TENM4: variants seen among roughly 807,000 people sequenced by gnomAD.
TENM4 encodes the protein teneurin transmembrane protein 4.
TENM4 carries 82 observed loss-of-function variants against 243.3 expected under a neutral mutation model. The ratio of observed to expected loss-of-function variants is 0.34; its 90% CI spans 0.28 to 0.40. The LOEUF (loss-of-function observed/expected upper bound fraction) is 0.40. Among genes scored for constraint, TENM4 ranks in the 10% least tolerant of loss-of-function variants. The pLI is 1.00. For synonymous variants in TENM4, 1,412 were observed against 1,456.3 expected (o/e 0.97, Z 0.69); for missense variants, 3,138 against 3,673.3 (o/e 0.85, Z 3.77).
At chr11:79,336,970 A>T (rs1016981507) in intron 1 of TENM4, among the ~76,000 whole-genome samples, 1 of 152,194 alleles carries the variant, frequency 6.6e-6, no homozygotes, top group Admixed American at 6.5e-5. Flanking sequence ...CACTTTGAGA[A>T]ATCCACATTC....
chr11:78,906,378 A>T (rs146544593), intron 6 of TENM4, among the ~76,000 whole-genome samples: 1 of 152,326 alleles, frequency 6.6e-6, no homozygotes, highest in Non-Finnish European at 1.5e-5. Context: ...CCATGGCTAA[A>T]TGCAGGAAAA....
Position 78,658,277 on chromosome 11 carries a change from T to C in TENM4, c.8091A>G (p.Arg2697=), listed in dbSNP as rs750012041. 1 of 1,613,038 alleles carries C rather than the reference T, an allele frequency of 6.2e-7. No individual in the cohort carries two copies. Among genetic ancestry groups the C allele is most frequent in the East Asian group, 2.2e-5 (1 of 44,850 alleles). ...KARVLELARQ[R]AVRQAWAREQ... is the part of the protein sequence containing the mutation. ...CGCGGGCCCACGCTTGGCGCACGGCTCTCTGCCGGGCCAGCTCCAGGACCC... is the reference window on the plus strand; with the variant it reads ...CGCGGGCCCACGCTTGGCGCACGGCCCTCTGCCGGGCCAGCTCCAGGACCC... The change falls in exon 34 of 34, where the codon AGA becomes AGG. Residue 2697 remains arginine (R), a synonymous_variant. Coordinates refer to ENST00000278550, the MANE Select transcript of TENM4 (RefSeq NM_001098816.3).
chr11:79,036,729 C>T (rs777328602), intron 6 of TENM4, among the ~76,000 whole-genome samples: 13 of 152,042 alleles, frequency 8.6e-5, no homozygotes, highest in Admixed American at 5.2e-4. Context: ...AATATACACT[C>T]GGCCAGGCGC....
At chr11:78,987,348 C>T (rs764652769) in intron 6 of TENM4, among the ~76,000 whole-genome samples, 22 of 152,300 alleles carry the variant, frequency 1.4e-4, no homozygotes, top group Non-Finnish European at 2.9e-4. Flanking sequence ...ATGGATGCAT[C>T]TCACAGATTC....
chr11:78,935,531 G>T (rs889129376), intron 6 of TENM4, among the ~76,000 whole-genome samples: 1 of 152,194 alleles, frequency 6.6e-6, no homozygotes, highest in African/African-American at 2.4e-5. Context: ...TCGGCCAAAT[G>T]AATCTGTTTA....
intron 4 of TENM4, among the ~76,000 whole-genome samples, chr11:79,138,921 C>T (rs186509183): frequency 0.66 from 53,312 of 80,824 alleles, 18,626 homozygotes; most frequent in Non-Finnish European, 0.72. Context: ...ATATATATTA[C>T]ATTTCCATAA....
intron 4 of TENM4, among the ~76,000 whole-genome samples, chr11:79,138,251 T>C (rs1862151533): frequency 6.9e-6 from 1 of 145,238 alleles, no homozygotes. Flanking sequence ...CTCTTCAGCC[T>C]GCAGATGGCC....
intron 1 of TENM4, among the ~76,000 whole-genome samples, chr11:79,324,227 G>A (rs905405778): frequency 6.6e-6 from 1 of 150,772 alleles, no homozygotes; most frequent in African/African-American, 2.4e-5. Flanking sequence ...AAAATTTATT[G>A]TTATTGTTTT....
intron 6 of TENM4, among the ~76,000 whole-genome samples, chr11:78,973,622 A>C (rs1857590207): frequency 6.6e-6 from 1 of 152,276 alleles, no homozygotes; most frequent in Admixed American, 6.5e-5. Flanking sequence ...ACTGACAAAG[A>C]AGACAAAGCC....
chr11:79,322,614 C>T (rs1205076557), intron 1 of TENM4, among the ~76,000 whole-genome samples: 1 of 151,818 alleles, frequency 6.6e-6, no homozygotes, highest in Non-Finnish European at 1.5e-5. Context: ...AGCAATTTGG[C>T]ATAAACATAA....
intron 7 of TENM4, among the ~76,000 whole-genome samples, chr11:78,895,445 A>G (rs904296445): frequency 2.0e-5 from 3 of 152,188 alleles, no homozygotes; most frequent in Non-Finnish European, 4.4e-5. Flanking sequence ...TGAGGCCCAG[A>G]GAGACATGTG....
chr11:78,778,997 G>A (rs1490402076), intron 16 of TENM4, among the ~76,000 whole-genome samples: 2 of 152,236 alleles, frequency 1.3e-5, no homozygotes, highest in Non-Finnish European at 2.9e-5. Flanking sequence ...ACTAGAGCCC[G>A]TCCCTTTGAC....
intron 1 of TENM4, among the ~76,000 whole-genome samples, chr11:79,316,237 C>CTGAT (rs1485231287): frequency 1.3e-5 from 2 of 150,834 alleles, no homozygotes; most frequent in Non-Finnish European, 3.0e-5. Flanking sequence ...AGATTGAGAA[C>CTGAT]TGATATAAAA....
Position 78,955,256 on chromosome 11 carries a change from T to A in TENM4, c.494-51733A>T, listed in dbSNP as rs1857184203. Among the ~76,000 whole-genome samples the A allele has an allele frequency of 2.0e-5, 3 of 152,250 alleles. No individual in the cohort carries two copies. In the South Asian group the frequency reaches 6.2e-4, roughly 31 times the overall value. On this transcript the variant is annotated intron_variant, in intron 6 of 33. Coordinates refer to ENST00000278550, the MANE Select transcript of TENM4 (RefSeq NM_001098816.3). ...TTTCTCCAATCTCACAGGACTTTTC[T>A]GTGGATCCAGTGAGATGACAGAGGA...
intron 2 of TENM4, among the ~76,000 whole-genome samples, chr11:79,250,800 A>G (rs1462457927): frequency 1.3e-5 from 2 of 152,238 alleles, no homozygotes; most frequent in African/African-American, 2.4e-5. Context: ...GGCGAAGCTT[A>G]AACTTTCAAT....
chr11:79,034,749 G>A (rs1340998397), intron 6 of TENM4, among the ~76,000 whole-genome samples: 2 of 152,170 alleles, frequency 1.3e-5, no homozygotes, highest in East Asian at 3.9e-4. Flanking sequence ...ACATGGCTGT[G>A]GGACTGGCAT....
chr11:79,049,417 C>T (rs1198926019), intron 6 of TENM4, among the ~76,000 whole-genome samples: 1 of 152,234 alleles, frequency 6.6e-6, no homozygotes, highest in Non-Finnish European at 1.5e-5. Context: ...GAAAGAACTA[C>T]AAGGCCGTCC....
chr11:78,949,327 G>A (rs1042231805), intron 6 of TENM4, among the ~76,000 whole-genome samples: 3 of 152,100 alleles, frequency 2.0e-5, no homozygotes, highest in African/African-American at 4.8e-5. Context: ...AGTACTCTAG[G>A]GACCAGCTCA....
In TENM4 at chr11:79,028,149, G is replaced by A. The variant is rs1001699727; in HGVS notation, c.493+36589C>T. 2.0e-5 allele frequency among the ~76,000 whole-genome samples: 3 copies of A among 152,214 alleles called. No homozygotes were observed. In the East Asian group the frequency reaches 5.8e-4, roughly 29 times the overall value. On this transcript the variant is annotated intron_variant, in intron 6 of 33. Transcript: ENST00000278550. ...CTCAGTTTCCTCACTTGTGAAGTGG[G>A]GATAAGTAACAGAGCAGTTGTAAAG...
Sources: allele counts gnomAD v4.1 joint callset (sites outside exome capture counted in the v4.1 genomes callset), GRCh38; gene constraint gnomAD v4.1.1; transcripts MANE v1.5; gene names NCBI Gene and HGNC (gene_info 2026-07-23, HGNC 2026-07-21).